The following KIAA0586 variants were observed in gnomAD, a reference collection of about 807,000 sequenced individuals.
KIAA0586 encodes the protein protein TALPID3.
In KIAA0586, 144 loss-of-function variants were observed where a neutral mutation model predicts 169.8. The observed-to-expected ratio is 0.85, with a 90% confidence interval of 0.74 to 0.97. KIAA0586 has a LOEUF of 0.97. KIAA0586 is among the 50% of genes least tolerant of loss of function. The probability of loss-of-function intolerance (pLI) is 0.00; values close to 1 mark genes in which losing one functional copy is unlikely to be tolerated. For missense variants in KIAA0586, 1,854 were observed against 1,823.0 expected, an observed-to-expected ratio of 1.02 and a Z score of -0.31; for synonymous variants, 625 against 612.4, an observed-to-expected ratio of 1.02 and a Z score of -0.30.
chr14:58,429,248 T>C (rs2037154755), intron 1 of KIAA0586, 115 bp from the exon 2 acceptor site: 1 of 619,736 alleles, frequency 1.6e-6, no homozygotes, highest in Non-Finnish European at 2.9e-6. Context: ...ATGCAAATTG[T>C]CTTTCCAACT....
intron 6 of KIAA0586, among the ~76,000 whole-genome samples, chr14:58,447,822 G>T (rs1230644510): frequency 6.6e-6 from 1 of 152,082 alleles, no homozygotes. Context: ...AAACTATGTT[G>T]TCACTCTAGT....
intron 15 of KIAA0586, 124 bp downstream of exon 15, chr14:58,466,153 C>CA (rs1351928667): frequency 1.5e-6 from 1 of 650,942 alleles, no homozygotes; most frequent in Non-Finnish European, 2.5e-6. Context: ...TGGACTCAAG[C>CA]AGTCCACCCA....
chr14:58,432,375 CTT>C lies in KIAA0586; in HGVS notation c.341-12_341-11del. 1 of 1,474,728 alleles carries C rather than the reference CTT, an allele frequency of 6.8e-7. No homozygotes were observed. Among genetic ancestry groups the C allele is most frequent in the South Asian group, 1.3e-5 (1 of 77,220 alleles). The allele number at this position is 1,474,728 out of a possible 1,614,324, so 91.4% of individuals were successfully genotyped here. On this transcript the variant is annotated splice_polypyrimidine_tract_variant and intron_variant, in intron 3 of 30. Transcript: ENST00000652326. ...AGGAATTTAATATATATTTTTGTGTCTTGATTTTGCAGCAAATGACATCTTCA... is the reference window on the plus strand; with the variant it reads ...AGGAATTTAATATATATTTTTGTGTCGATTTTGCAGCAAATGACATCTTCA...
At chr14:58,528,830 C>T (rs975718521) in intron 29 of KIAA0586, among the ~76,000 whole-genome samples, 20 of 151,956 alleles carry the variant, frequency 1.3e-4, no homozygotes, top group East Asian at 9.7e-4. Context: ...CAAAAGCTAG[C>T]GGAAGACAAG....
chr14:58,538,597 A>T (rs1285456859), intron 29 of KIAA0586, among the ~76,000 whole-genome samples: 1 of 152,098 alleles, frequency 6.6e-6, no homozygotes, highest in African/African-American at 2.4e-5. Context: ...CAGTTATTTT[A>T]AAATGTGCAA....
chr14:58,456,822 A>G lies in KIAA0586; in HGVS notation c.1362+12A>G, dbSNP rs374756414. 2 of 1,385,576 alleles carry G rather than the reference A, an allele frequency of 1.4e-6. No individual in the cohort carries two copies. The highest frequency in any genetic ancestry group is 1.4e-5 in the African/African-American group (1 of 70,180). 85.8% of individuals were successfully genotyped at this position (1,385,576 alleles called of 1,614,324 possible). ...ATAGCATGGTCCAGGTAAAGTGGGAATGGTCTTAAAATTGATGATTAGTTA... is the reference window on the plus strand; with the variant it reads ...ATAGCATGGTCCAGGTAAAGTGGGAGTGGTCTTAAAATTGATGATTAGTTA... On this transcript the variant is annotated intron_variant, in intron 10 of 30. Transcript: ENST00000652326.
intron 28 of KIAA0586, among the ~76,000 whole-genome samples, chr14:58,510,084 T>G (rs1488554050): frequency 6.6e-6 from 1 of 152,124 alleles, no homozygotes; most frequent in African/African-American, 2.4e-5. Flanking sequence ...CATAAAAAGA[T>G]TCTTAGCTGG....
chr14:58,539,660 T>C (rs1186103466), intron 29 of KIAA0586, among the ~76,000 whole-genome samples: 8 of 152,296 alleles, frequency 5.3e-5, no homozygotes. Context: ...TATTGAGTAA[T>C]ATGCTCCAGG....
chr14:58,470,754 G>A, intron 17 of KIAA0586, 31 bp downstream of exon 17: 1 of 1,069,746 alleles, frequency 9.3e-7, no homozygotes, highest in Non-Finnish European at 1.4e-6. Flanking sequence ...ATATTATTTT[G>A]AGTAATGTCT....
chr14:58,511,641 C>T (rs982739453), intron 28 of KIAA0586, among the ~76,000 whole-genome samples: 2 of 152,140 alleles, frequency 1.3e-5, no homozygotes, highest in African/African-American at 4.8e-5. Flanking sequence ...GAGGCAGAAA[C>T]ATACATGACT....
Position 58,453,332 on chromosome 14 carries a change from A to G in KIAA0586, c.1130-18A>G, listed in dbSNP as rs761292679. 7.6e-6 allele frequency: 9 copies of G among 1,189,100 alleles called. No individual in the cohort carries two copies. Among genetic ancestry groups the G allele is most frequent in the African/African-American group, 3.2e-5 (2 of 62,856 alleles). The allele number at this position is 1,189,100 out of a possible 1,614,324, so 73.7% of individuals were successfully genotyped here. A position where few individuals can be genotyped will look rare whatever the true frequency, so the allele number is the denominator to read the frequency against. On this transcript the variant is annotated intron_variant, in intron 8 of 30. Coordinates refer to ENST00000652326, the MANE Select transcript of KIAA0586 (RefSeq NM_001329943.3). Reference sequence around the variant, plus strand: ...GAATTAGTATTTGGAAAATGATACTATATCTCTTCTATTTCAGGAAATGTA... The same window carrying G: ...GAATTAGTATTTGGAAAATGATACTGTATCTCTTCTATTTCAGGAAATGTA...
chr14:58,524,392 CAT>C (rs2045434258), intron 29 of KIAA0586, among the ~76,000 whole-genome samples: 1 of 152,176 alleles, frequency 6.6e-6, no homozygotes, highest in Non-Finnish European at 1.5e-5. Flanking sequence ...CTTTAACAGA[CAT>C]AGAATTCTCC....
chr14:58,488,686 C>G lies in KIAA0586; in HGVS notation c.3593C>G (p.Pro1198Arg). 6.2e-7 allele frequency: 1 copy of G among 1,613,898 alleles called. No homozygotes were observed. Among genetic ancestry groups the G allele is most frequent in the Non-Finnish European group, 8.5e-7 (1 of 1,179,844 alleles). The change falls in exon 24 of 31, where the codon CCA (proline) becomes CGA (arginine). Residue 1198 changes from proline to arginine, a missense_variant. Pro to Arg is a moderately radical substitution (Grantham distance 103). Transcript: ENST00000652326. ...GATTTCCCTGCTCAGCCTCCACCTCCAGAGCCAGTTCCCTTTATGCCATTT... is the reference window on the plus strand; with the variant it reads ...GATTTCCCTGCTCAGCCTCCACCTCGAGAGCCAGTTCCCTTTATGCCATTT... Reference protein sequence around the residue: ...SMDFPAQPPPPEPVPFMPFPA... With the variant: ...SMDFPAQPPPREPVPFMPFPA...
At chr14:58,457,665 T>C (rs1239563314) in intron 10 of KIAA0586, 94 bp from the exon 11 acceptor site, 2 of 725,390 alleles carry the variant, frequency 2.8e-6, no homozygotes, top group African/African-American at 3.6e-5. Context: ...AATATATTGG[T>C]ATAATGTATG....
At position 58,487,747 on chromosome 14, in the gene KIAA0586, G is replaced by GTGGTA. The variant is rs1388048151; in HGVS notation, c.3305-139_3305-138insGGTAT. 3 of 609,878 alleles carry GTGGTA rather than the reference G, an allele frequency of 4.9e-6. No homozygotes were observed. In the African/African-American group the frequency reaches 5.6e-5, roughly 11 times the overall value. The allele number at this position is 609,878 out of a possible 1,614,324, so 37.8% of individuals were successfully genotyped here. A position where few individuals can be genotyped will look rare whatever the true frequency, so the allele number is the denominator to read the frequency against. On this transcript the variant is annotated intron_variant, in intron 22 of 30. Coordinates refer to ENST00000652326, the MANE Select transcript of KIAA0586 (RefSeq NM_001329943.3). ...TATCACATTAATGGCTACCACCATT[G>GTGGTA]TCATTATTATTATTAATTATAATTG...
intron 27 of KIAA0586, among the ~76,000 whole-genome samples, chr14:58,507,498 C>CA (rs2044081422): frequency 6.6e-6 from 1 of 151,368 alleles, no homozygotes; most frequent in South Asian, 2.1e-4. Context: ...GACTGTGAAA[C>CA]AGAGAGCAGT....
At chr14:58,534,954 AGTAT>A (rs1298610860) in intron 29 of KIAA0586, among the ~76,000 whole-genome samples, 1 of 152,236 alleles carries the variant, frequency 6.6e-6, no homozygotes, top group Non-Finnish European at 1.5e-5. Context: ...TTGTGGAAGC[AGTAT>A]CCAGCTCAAG....
chr14:58,485,834 T>C (rs950155909), intron 21 of KIAA0586, among the ~76,000 whole-genome samples: 6 of 152,134 alleles, frequency 3.9e-5, no homozygotes, highest in African/African-American at 1.4e-4. Flanking sequence ...ACTCAGTTTG[T>C]GTGTGTGTGC....
the KIAA0586 span, among the ~76,000 whole-genome samples, chr14:58,561,158 ATGAT>A: frequency 6.6e-6 from 1 of 152,206 alleles, no homozygotes; most frequent in African/African-American, 2.4e-5. Context: ...CTTTCACTGC[ATGAT>A]TATTGCAGTC....
Sources: gnomAD v4.1 joint callset for allele counts (sites outside exome capture counted in the v4.1 genomes callset) on GRCh38, gnomAD v4.1.1 for gene constraint, MANE v1.5 for transcripts, NCBI Gene and HGNC (gene_info 2026-07-23, HGNC 2026-07-21) for gene names.